Variants in METTL15 observed in about 807,000 individuals in gnomAD.
The protein encoded by METTL15 is methyltransferase 15, mitochondrial 12S rRNA N4-cytidine, also known as 12S rRNA N(4)-cytidine methyltransferase METTL15.
In METTL15, 34 loss-of-function variants were observed where a neutral mutation model predicts 38.3. The ratio of observed to expected loss-of-function variants is 0.89; its 90% CI spans 0.68 to 1.18. METTL15 has a LOEUF of 1.18. METTL15 is among the 50% of genes most tolerant of loss of function. The pLI is 0.00. For missense variants in METTL15, 438 were observed against 498.4 expected (o/e 0.88, Z 1.15); for synonymous variants, 162 against 170.9 (o/e 0.95, Z 0.41).
chr11:28,451,865 A>G (rs543327758), intron 6 of METTL15, among the ~76,000 whole-genome samples: 32 of 152,294 alleles, frequency 2.1e-4, no homozygotes, highest in African/African-American at 7.7e-4. Flanking sequence ...TTGCAGTGAT[A>G]GAAGGTAGCC....
intron 4 of METTL15, among the ~76,000 whole-genome samples, chr11:28,235,793 T>C (rs1277458319): frequency 6.6e-6 from 1 of 152,200 alleles, no homozygotes; most frequent in African/African-American, 2.4e-5. Context: ...TTGAATACCC[T>C]TTATTTCCTT....
At chr11:28,295,841 T>G (rs1402350701) in intron 5 of METTL15, among the ~76,000 whole-genome samples, 1 of 152,088 alleles carries the variant, frequency 6.6e-6, no homozygotes, top group South Asian at 2.1e-4. Context: ...CATACCCTTG[T>G]TACTTACAGA....
chr11:28,330,602 G>T lies in METTL15; in HGVS notation c.985G>T (p.Val329Phe). The change falls in exon 7 of 7, where the codon GTC becomes TTC. Residue 329 changes from valine to phenylalanine, a missense_variant. By Grantham distance (50) the Val-to-Phe change is conservative (BLOSUM62 -1). Coordinates refer to ENST00000407364, the MANE Select transcript of METTL15 (RefSeq NM_001113528.2). ...LSFHSLEDRI[V>F]KRFLLGISMT... ...CTTCCATTCACTAGAGGATCGCATCGTCAAAAGATTTTTGCTTGGAATAAG... is the reference window on the plus strand; with the variant it reads ...CTTCCATTCACTAGAGGATCGCATCTTCAAAAGATTTTTGCTTGGAATAAG... 2 of 1,551,424 alleles carry T rather than the reference G, an allele frequency of 1.3e-6. No homozygotes were observed. Among genetic ancestry groups the T allele is most frequent in the Non-Finnish European group, 1.7e-6 (2 of 1,146,830 alleles).
chr11:28,153,663 C>G (rs2133692042), intron 3 of METTL15, among the ~76,000 whole-genome samples: 1 of 152,230 alleles, frequency 6.6e-6, no homozygotes, highest in South Asian at 2.1e-4. Flanking sequence ...TACTGTTGTA[C>G]TTAAGTTTTG....
chr11:28,392,097 T>C (rs961361724), intron 5 of METTL15, among the ~76,000 whole-genome samples: 1 of 152,008 alleles, frequency 6.6e-6, no homozygotes, highest in Non-Finnish European at 1.5e-5. Context: ...GAATCTACTA[T>C]GAACTCAAAC....
chr11:28,189,084 A>G (rs2133798958), intron 3 of METTL15, among the ~76,000 whole-genome samples: 1 of 151,494 alleles, frequency 6.6e-6, no homozygotes, highest in Middle Eastern at 3.4e-3. Context: ...AAGCAAAAAC[A>G]TATAATATTA....
At chr11:28,210,655 T>C (rs193064089) in intron 3 of METTL15, among the ~76,000 whole-genome samples, 98 of 152,090 alleles carry the variant, frequency 6.4e-4, no homozygotes, top group Non-Finnish European at 1.0e-4. Flanking sequence ...ATAGAAAGCT[T>C]TAAGAGAAAT....
intron 4 of METTL15, among the ~76,000 whole-genome samples, chr11:28,263,062 A>T (rs1226817843): frequency 6.6e-6 from 1 of 152,022 alleles, no homozygotes; most frequent in Non-Finnish European, 1.5e-5. Flanking sequence ...AATGATTTCC[A>T]AACGCTTTAC....
chr11:28,168,669 A>G (rs1056785372), intron 3 of METTL15, among the ~76,000 whole-genome samples: 2 of 144,876 alleles, frequency 1.4e-5, no homozygotes, highest in Non-Finnish European at 3.0e-5. Context: ...GAGAAATTTT[A>G]AAATACAGAA....
At chr11:28,188,494 T>A (rs1851587511) in intron 3 of METTL15, among the ~76,000 whole-genome samples, 1 of 151,308 alleles carries the variant, frequency 6.6e-6, no homozygotes, top group Non-Finnish European at 1.5e-5. Context: ...GTTTTAAAAA[T>A]TGACTCATGT....
chr11:28,205,437 C>A (rs1852291516), intron 3 of METTL15, among the ~76,000 whole-genome samples: 1 of 152,082 alleles, frequency 6.6e-6, no homozygotes, highest in South Asian at 2.1e-4. Context: ...GACATGAACT[C>A]ATCTTTTTTT....
chr11:28,270,817 T>C (rs1044010564), intron 4 of METTL15, among the ~76,000 whole-genome samples: 1 of 152,178 alleles, frequency 6.6e-6, no homozygotes, highest in Non-Finnish European at 1.5e-5. Context: ...TGCTTAATAG[T>C]ACAGGCTTTA....
At chr11:28,512,931 C>A (rs1286737635) in intron 6 of METTL15, among the ~76,000 whole-genome samples, 4 of 152,150 alleles carry the variant, frequency 2.6e-5, no homozygotes, top group African/African-American at 9.7e-5. Context: ...ATCATAAGGT[C>A]TTTGTTCTTG....
At chr11:28,456,429 T>TG (rs1476741888) in intron 6 of METTL15, among the ~76,000 whole-genome samples, 1 of 151,766 alleles carries the variant, frequency 6.6e-6, no homozygotes, top group African/African-American at 2.4e-5. Flanking sequence ...TTGTTTTTTT[T>TG]TTTGTTTGTT....
At chr11:28,388,248 A>C (rs181823294) in intron 5 of METTL15, among the ~76,000 whole-genome samples, 2 of 152,210 alleles carry the variant, frequency 1.3e-5, no homozygotes, top group Non-Finnish European at 2.9e-5. Flanking sequence ...AACTTATACA[A>C]GTAGAAAAAA....
chr11:28,340,424 C>T (rs1849940006), intron 3 of METTL15, among the ~76,000 whole-genome samples: 1 of 152,110 alleles, frequency 6.6e-6, no homozygotes, highest in African/African-American at 2.4e-5. Context: ...GCAATCTATC[C>T]ATCTGGCAAA....
intron 3 of METTL15, among the ~76,000 whole-genome samples, chr11:28,129,147 A>G (rs1852632177): frequency 6.6e-6 from 1 of 152,242 alleles, no homozygotes; most frequent in Non-Finnish European, 1.5e-5. Context: ...TTACAAAGGT[A>G]TTCCTCTGTC....
chr11:28,270,969 G>A (rs371933298), intron 4 of METTL15, among the ~76,000 whole-genome samples: 1 of 152,238 alleles, frequency 6.6e-6, no homozygotes, highest in African/African-American at 2.4e-5. Flanking sequence ...ACATGTATCT[G>A]AAGATTATAT....
At chr11:28,461,389 T>A (rs1851212638) in intron 6 of METTL15, among the ~76,000 whole-genome samples, 1 of 152,084 alleles carries the variant, frequency 6.6e-6, no homozygotes, top group Admixed American at 6.6e-5. Context: ...ACTGTATCCA[T>A]CTCTAGAATT....
Sources: gnomAD v4.1 joint callset for allele counts (sites outside exome capture counted in the v4.1 genomes callset) on GRCh38, gnomAD v4.1.1 for gene constraint, MANE v1.5 for transcripts, NCBI Gene and HGNC (gene_info 2026-07-23, HGNC 2026-07-21) for gene names.